The following ETF1 variants were observed in gnomAD, a reference collection of about 807,000 sequenced individuals.
The protein encoded by ETF1 is eukaryotic peptide chain release factor subunit 1.
Under a neutral mutation model 55.1 loss-of-function variants are expected in ETF1, and 4 were observed. The observed-to-expected ratio is 0.07, with a 90% CI of 0.04 to 0.17. The LOEUF is 0.17. ETF1 is among the 10% of genes least tolerant of loss of function. The pLI is 1.00. For missense variants in ETF1, 142 were observed against 523.6 expected, an observed-to-expected ratio of 0.27 and a Z score of 7.11; for synonymous variants, 157 against 182.3, an observed-to-expected ratio of 0.86 and a Z score of 1.12.
chr5:138,526,544 C>T (rs745373711), intron 2 of ETF1, among the ~76,000 whole-genome samples: 4 of 152,064 alleles, frequency 2.6e-5, no homozygotes, highest in Non-Finnish European at 5.9e-5. Context: ...CCCGCCTACC[C>T]CCTGCCCCCC....
intron 2 of ETF1, among the ~76,000 whole-genome samples, chr5:138,537,544 T>C (rs900008744): frequency 3.3e-5 from 5 of 152,182 alleles, no homozygotes; most frequent in African/African-American, 4.8e-5. Flanking sequence ...TAAAATAGTC[T>C]AGTTCTTGAC....
In ETF1 at chr5:138,506,984, C is replaced by T. The variant is rs10633; in HGVS notation, c.*1321G>A. The T allele has an allele frequency of 0.06, 9,157 of 152,410 alleles. 283 individuals carry two copies. The highest frequency in any genetic ancestry group is 0.067 in the Admixed American group (1,025 of 15,280). The allele number at this position is 152,410 out of a possible 1,614,324, so 9.4% of individuals were successfully genotyped here. A position where few individuals can be genotyped will look rare whatever the true frequency, so the allele number is the denominator to read the frequency against. ...GTCCATTTGGTATACTTTTTTCCATCGCTACCACTGGGCACGTACTATACA... is the reference window on the plus strand; with the variant it reads ...GTCCATTTGGTATACTTTTTTCCATTGCTACCACTGGGCACGTACTATACA... On this transcript the variant is annotated 3_prime_UTR_variant, in exon 11 of 11. Transcript: ENST00000360541.
Position 138,508,143 on chromosome 5 carries a change from TG to T in ETF1, c.*161del. The T allele has an allele frequency of 1.1e-6, 1 of 877,246 alleles. No individual in the cohort carries two copies. Among genetic ancestry groups the T allele is most frequent in the Non-Finnish European group, 1.7e-6 (1 of 596,480 alleles). The allele number at this position is 877,246 out of a possible 1,614,324, so 54.3% of individuals were successfully genotyped here. A position where few individuals can be genotyped will look rare whatever the true frequency, so the allele number is the denominator to read the frequency against. ...ACAAACCAAAGTGTAGGGCTGGGTC[TG>T]GTTTTGTTTCGGTTTTCTTTTCAAT... On this transcript the variant is annotated 3_prime_UTR_variant, in exon 11 of 11. Transcript: ENST00000360541.
rs1227844715 is a variant in ETF1, at chr5:138,506,296, C to T, written c.*2009G>A. ...CATCAATATATAATGCAATATATAT[C>T]ACCGAAGAGAACACATTGATTAAAG... On this transcript the variant is annotated 3_prime_UTR_variant, in exon 11 of 11. Transcript: ENST00000360541. 6.6e-6 allele frequency: 1 copy of T among 152,478 alleles called. No homozygotes were observed. Among genetic ancestry groups the T allele is most frequent in the Non-Finnish European group, 1.5e-5 (1 of 68,002 alleles). 9.4% of individuals were successfully genotyped at this position (152,478 alleles called of 1,614,324 possible).
chr5:138,539,856 T>C (rs1186175012), intron 2 of ETF1, among the ~76,000 whole-genome samples: 1 of 152,250 alleles, frequency 6.6e-6, no homozygotes, highest in Admixed American at 6.5e-5. Flanking sequence ...TTGGTTTAAG[T>C]TCTGAACTCT....
intron 10 of ETF1, 72 bp downstream of exon 10, chr5:138,508,597 G>A (rs1581010983): frequency 6.3e-7 from 1 of 1,594,580 alleles, no homozygotes; most frequent in Non-Finnish European, 8.5e-7. Context: ...CGGAAGCAGG[G>A]CTAGGGCTAG....
chr5:138,508,793 G>C lies in ETF1; in HGVS notation c.1107C>G (p.Ile369Met). 2.5e-6 allele frequency: 4 copies of C among 1,613,978 alleles called. No individual in the cohort carries two copies. Among genetic ancestry groups the C allele is most frequent in the Non-Finnish European group, 3.4e-6 (4 of 1,179,960 alleles). Residue 369 changes from isoleucine to methionine, a missense_variant, in exon 10 of 11, where the codon ATC becomes ATG. Around this residue, in one of 5 missense-constraint regions of ETF1, gnomAD observed 82 missense variants for 232.9 expected, o/e 0.35. Coordinates refer to ENST00000360541, the MANE Select transcript of ETF1 (RefSeq NM_004730.4). ...DKETGQEHEL[I>M]ESMPLLEWFA... The stretch of plus-strand genomic sequence containing the variant: ...ACCATTCCAACAGGGGCATGCTCTC[G>C]ATAAGCTCATGTTCCTGTCCGGTCT...
At position 138,543,196 on chromosome 5, in the gene ETF1, C is replaced by G. The variant is rs978075275; in HGVS notation, c.-118G>C. 5 of 547,600 alleles carry G rather than the reference C, an allele frequency of 9.1e-6. No individual in the cohort carries two copies. In the East Asian group the frequency reaches 9.4e-5, roughly 10 times the overall value. The allele number at this position is 547,600 out of a possible 1,614,324, so 33.9% of individuals were successfully genotyped here. A position where few individuals can be genotyped will look rare whatever the true frequency, so the allele number is the denominator to read the frequency against. ...AGGACACCGGCTCCCTCTCTCCAGG[C>G]AGCTGCATGTGTTGCAATCCGCTCA... On this transcript the variant is annotated 5_prime_UTR_variant, in exon 1 of 11. Transcript: ENST00000360541.
At position 138,539,381 on chromosome 5, in the gene ETF1, A is replaced by T. The variant is rs146026294; in HGVS notation, c.86+3452T>A. ...CTCCCCCTTTTTCCAACATACGTTG[A>T]CCTGTTTTAGTTCCTTATTCAAGAT... is the stretch of plus-strand genomic sequence containing the variant. On this transcript the variant is annotated intron_variant, in intron 2 of 10. Transcript: ENST00000360541. 2.0e-5 allele frequency among the ~76,000 whole-genome samples: 3 copies of T among 152,340 alleles called. No homozygotes were observed. The East Asian group carries it at 5.8e-4, about 29-fold the overall frequency.
At chr5:138,514,552 A>G (rs779746466) in intron 4 of ETF1, among the ~76,000 whole-genome samples, 11 of 151,768 alleles carry the variant, frequency 7.2e-5, no homozygotes, top group Non-Finnish European at 1.2e-4. Flanking sequence ...AAAAACAAAA[A>G]AACTTTAACT....
At chr5:138,523,684 T>A (rs1028957165) in intron 2 of ETF1, among the ~76,000 whole-genome samples, 16 of 152,130 alleles carry the variant, frequency 1.1e-4, no homozygotes, top group African/African-American at 3.9e-4. Context: ...GATTTTTAGG[T>A]TGATGGAAAT....
Position 138,508,789 on chromosome 5 carries a change from T to C in ETF1, c.1111A>G (p.Ser371Gly). The C allele has an allele frequency of 6.2e-7, 1 of 1,614,080 alleles. No homozygotes were observed. Among genetic ancestry groups the C allele is most frequent in the Admixed American group, 1.7e-5 (1 of 60,018 alleles). The change falls in exon 10 of 11, where the codon AGC becomes GGC. Residue 371 changes from serine to glycine, a missense_variant. By Grantham distance (56) the Ser-to-Gly change is moderately conservative. Coordinates refer to ENST00000360541, the MANE Select transcript of ETF1 (RefSeq NM_004730.4). ...GCAAACCATTCCAACAGGGGCATGC[T>C]CTCGATAAGCTCATGTTCCTGTCCG... The part of the protein sequence containing the change: ...ETGQEHELIE[S>G]MPLLEWFANN...
intron 2 of ETF1, among the ~76,000 whole-genome samples, chr5:138,530,168 G>C (rs1399371716): frequency 6.6e-6 from 1 of 151,982 alleles, no homozygotes; most frequent in Non-Finnish European, 1.5e-5. Context: ...AAGAATACAT[G>C]CTCAGACACA....
chr5:138,517,967 C>A, intron 3 of ETF1: 1 of 774,160 alleles, frequency 1.3e-6, no homozygotes, highest in Non-Finnish European at 1.6e-6. Flanking sequence ...TCTGGGAGGC[C>A]GAGGTAGGCG....
At chr5:138,526,204 C>T (rs1765465721) in intron 2 of ETF1, among the ~76,000 whole-genome samples, 1 of 152,080 alleles carries the variant, frequency 6.6e-6, no homozygotes. Context: ...CCAGTGGAAG[C>T]TGGCAAGAAA....
At chr5:138,512,179 G>A (rs1234462833) in intron 6 of ETF1, among the ~76,000 whole-genome samples, 1 of 94,392 alleles carries the variant, frequency 1.1e-5, no homozygotes, top group Non-Finnish European at 1.9e-5. Context: ...GCCTAGGCAA[G>A]ATAGCCAGAC....
intron 2 of ETF1, among the ~76,000 whole-genome samples, chr5:138,538,413 C>T (rs1766035827): frequency 6.6e-6 from 1 of 152,070 alleles, no homozygotes. Context: ...TGGTCTTGAA[C>T]TCCTGACCTC....
chr5:138,518,019 T>C (rs966367721), intron 3 of ETF1: 12 of 245,400 alleles, frequency 4.9e-5, no homozygotes, highest in Admixed American at 6.5e-5. Flanking sequence ...CTGGCCAACA[T>C]GGTGAAACCC....
At chr5:138,527,932 C>T (rs919552780) in intron 2 of ETF1, among the ~76,000 whole-genome samples, 4 of 152,034 alleles carry the variant, frequency 2.6e-5, no homozygotes, top group Admixed American at 6.6e-5. Context: ...GCCACTACGC[C>T]TGACTAATTT....
Sources: allele counts gnomAD v4.1 joint callset (sites outside exome capture counted in the v4.1 genomes callset), GRCh38; gene constraint gnomAD v4.1.1; regional missense constraint gnomAD v4.1.1; transcripts MANE v1.5; gene names NCBI Gene and HGNC (gene_info 2026-07-23, HGNC 2026-07-21).